The following MGST1 variants were observed in gnomAD, a reference collection of about 807,000 sequenced individuals.
The protein encoded by MGST1 is glutathione S-transferase 12.
MGST1 carries 5 observed loss-of-function variants against 8.9 expected under a neutral mutation model. That is an observed-to-expected ratio of 0.56 (90% CI 0.29 to 1.19). The LOEUF is 1.19. Ranked by LOEUF, MGST1 falls within the 50% of genes most tolerant of loss-of-function variation. MGST1 has a pLI of 0.08. For missense variants in MGST1, 182 were observed against 187.4 expected (o/e 0.97, Z 0.17); for synonymous variants, 54 against 67.8 (o/e 0.80, Z 1.00).
rs560909978 is a variant in MGST1 at position 16,407,182 on chromosome 12, T to C, written n.778+23578T>C. On this transcript the variant is annotated intron_variant and non_coding_transcript_variant, in intron 1 of 1. Coordinates refer to the MGST1 transcript ENST00000359720. ...AACTATGCATCTGAAAAAGGTCTAA[T>C]ATCCAGCATCTCTAAGGAACTTAAA... is the stretch of plus-strand genomic sequence containing the variant. 2.0e-5 allele frequency among the ~76,000 whole-genome samples: 3 copies of C among 152,320 alleles called. No homozygotes were observed. The East Asian group carries it at 5.8e-4, about 29-fold the overall frequency.
chr12:16,381,807 C>T (rs1940456062), downstream of MGST1, among the ~76,000 whole-genome samples: 1 of 152,138 alleles, frequency 6.6e-6, no homozygotes, highest in Non-Finnish European at 1.5e-5. Flanking sequence ...TTCACATAGT[C>T]CCATATTTCT....
At position 16,410,590 on chromosome 12, in the gene MGST1, C is replaced by A. The variant is rs1940733943; in HGVS notation, n.779-26798C>A. ...TACGTAATATATATTTTTACACATA[C>A]ATATTAATGTTTATATATTACATAT... On this transcript the variant is annotated intron_variant and non_coding_transcript_variant, in intron 1 of 1. Transcript: ENST00000359720. This position sits in a 1 kb window ranked among gnomAD's most constrained non-coding sequence, Gnocchi z 4.4. Among the ~76,000 whole-genome samples, 1 of 147,490 alleles carries A rather than the reference C, an allele frequency of 6.8e-6. No individual in the cohort carries two copies.
intron 4 of MGST1, among the ~76,000 whole-genome samples, chr12:16,520,699 C>T (rs1028600387): frequency 6.6e-6 from 1 of 152,126 alleles, no homozygotes; most frequent in Admixed American, 6.6e-5. Flanking sequence ...ATTATGTTCA[C>T]CTCCAGCAAA....
At chr12:16,441,614 A>G (rs1470800875), downstream of MGST1, among the ~76,000 whole-genome samples, 1 of 151,484 alleles carries the variant, frequency 6.6e-6, no homozygotes, top group Non-Finnish European at 1.5e-5. Context: ...AGCTTCTTTC[A>G]CTTAGTAGTA....
At position 16,354,262 on chromosome 12, in the gene MGST1, C is replaced by G. The variant is rs1449086441; in HGVS notation, c.10C>G (p.Leu4Val). 1 of 1,581,550 alleles carries G rather than the reference C, an allele frequency of 6.3e-7. No homozygotes were observed. Among genetic ancestry groups the G allele is most frequent in the South Asian group, 1.2e-5 (1 of 82,880 alleles). ...GACCAAAATTGAAAAAATGGTTGAC[C>G]TCACCCAGGTAATGGATGATGAAGT... The part of the protein sequence containing the change: MVD[L>V]TQVMDDEVFM... Residue 4 changes from leucine (L) to valine (V), a missense_variant, in exon 2 of 4, where the codon CTC becomes GTC. By Grantham distance (32) the Leu-to-Val change is conservative. Coordinates refer to ENST00000396210, the MANE Select transcript of MGST1 (RefSeq NM_020300.5).
intron 1 of MGST1, among the ~76,000 whole-genome samples, chr12:16,412,535 C>T (rs1476201695): frequency 2.0e-5 from 3 of 152,152 alleles, no homozygotes; most frequent in African/African-American, 7.2e-5. Context: ...TATGGTTTGG[C>T]TGTGTTACTC....
At chr12:16,438,281 A>C (rs897183871) in exon 2 of MGST1, 1 of 151,922 alleles carries the variant, frequency 6.6e-6, no homozygotes, top group African/African-American at 2.4e-5. Context: ...TAAAAGCAAA[A>C]TATGCTTTAC....
At chr12:16,489,007 G>A (rs545495822) in intron 4 of MGST1, among the ~76,000 whole-genome samples, 6 of 152,216 alleles carry the variant, frequency 3.9e-5, no homozygotes, top group East Asian at 3.9e-4. Flanking sequence ...CTACTCAGAA[G>A]GCTGATGTGG....
At chr12:16,505,582 C>T (rs996411502) in intron 4 of MGST1, among the ~76,000 whole-genome samples, 3 of 152,122 alleles carry the variant, frequency 2.0e-5, no homozygotes, top group Admixed American at 6.6e-5. Context: ...CACCAAGTTC[C>T]GGCAATTTCA....
intron 1 of MGST1, among the ~76,000 whole-genome samples, chr12:16,421,400 C>T (rs1016520992): frequency 1.3e-5 from 2 of 152,180 alleles, no homozygotes; most frequent in African/African-American, 4.8e-5. Flanking sequence ...AAACACTTCC[C>T]TCTTGAAACT....
intron 1 of MGST1, among the ~76,000 whole-genome samples, chr12:16,427,175 C>T (rs976138882): frequency 2.0e-5 from 3 of 151,914 alleles, no homozygotes; most frequent in Admixed American, 6.6e-5. Flanking sequence ...TTACGAAAAA[C>T]GATTTTAAGA....
intron 4 of MGST1, among the ~76,000 whole-genome samples, chr12:16,578,505 G>T (rs916623708): frequency 6.6e-6 from 1 of 152,048 alleles, no homozygotes; most frequent in East Asian, 1.9e-4. Context: ...AGGTATAAAA[G>T]TTTCAAAGTA....
At chr12:16,528,894 G>A (rs1941705422) in intron 4 of MGST1, among the ~76,000 whole-genome samples, 1 of 151,928 alleles carries the variant, frequency 6.6e-6, no homozygotes, top group Non-Finnish European at 1.5e-5. Flanking sequence ...TCTGACAACG[G>A]GCCAATTTGA....
At chr12:16,468,298 T>C (rs952366119) in intron 4 of MGST1, among the ~76,000 whole-genome samples, 3 of 152,246 alleles carry the variant, frequency 2.0e-5, no homozygotes, top group African/African-American at 7.2e-5. Context: ...TATCTGTATA[T>C]ACATATGCAG....
chr12:16,562,097 C>T (rs1382023126), intron 4 of MGST1, among the ~76,000 whole-genome samples: 3 of 152,054 alleles, frequency 2.0e-5, no homozygotes, highest in Non-Finnish European at 4.4e-5. Flanking sequence ...AGAACTTGCT[C>T]GAAAATGTAA....
chr12:16,541,835 T>A (rs1941795084), intron 4 of MGST1, among the ~76,000 whole-genome samples: 2 of 152,162 alleles, frequency 1.3e-5, no homozygotes, highest in South Asian at 4.1e-4. Flanking sequence ...TCAATAAAAT[T>A]CGTAAGTTTC....
intron 4 of MGST1, among the ~76,000 whole-genome samples, chr12:16,474,711 T>C (rs1941309929): frequency 1.3e-5 from 2 of 152,198 alleles, no homozygotes; most frequent in Admixed American, 6.5e-5. Context: ...AATGGTTATC[T>C]TGAGGTCATT....
chr12:16,376,842 T>TTA (rs1342935725), exon 4 of MGST1: 17 of 152,060 alleles, frequency 1.1e-4, no homozygotes, highest in Non-Finnish European at 1.5e-5. Context: ...TTAGATGATA[T>TTA]TATATATATC....
rs200409990 is a variant in MGST1 at position 16,534,689 on chromosome 12, A to G, written n.483-54839A>G. ...GGGCTTTGGGTTTTTATTTTTCTAG[A>G]CAATAACCTTTTTTAAAAAATGTGA... On this transcript the variant is annotated intron_variant and non_coding_transcript_variant, in intron 4 of 4. Coordinates refer to the MGST1 transcript ENST00000538857. Among the ~76,000 whole-genome samples, 74 of 152,302 alleles carry G rather than the reference A, an allele frequency of 4.9e-4. 2 individuals are homozygous for G. In the East Asian group the frequency reaches 0.013, roughly 26 times the overall value.
Sources: gnomAD v4.1 joint callset for allele counts (sites outside exome capture counted in the v4.1 genomes callset) on GRCh38, gnomAD v4.1.1 for gene constraint, Gnocchi (gnomAD v3.1) non-coding constraint, MANE v1.5 for transcripts, NCBI Gene and HGNC (gene_info 2026-07-23, HGNC 2026-07-21) for gene names.